CEP290: variants seen among roughly 807,000 people sequenced by gnomAD.
The protein encoded by CEP290 is centrosomal protein of 290 kDa.
CEP290 carries 317 observed loss-of-function variants against 344.9 expected under a neutral mutation model. The observed-to-expected ratio is 0.92, with a 90% confidence interval of 0.84 to 1.01. The LOEUF (loss-of-function observed/expected upper bound fraction) is 1.01, where lower values mean the gene tolerates loss of function less well. Among genes scored for constraint, CEP290 ranks in the 50% least tolerant of loss-of-function variants. CEP290 has a pLI of 0.00. For missense variants in CEP290, 2,754 were observed against 2,761.4 expected (o/e 1.00, Z 0.06); for synonymous variants, 932 against 895.8 (o/e 1.04, Z -0.72).
At chr12:88,095,676 C>T (rs888135875) in intron 27 of CEP290, among the ~76,000 whole-genome samples, 3 of 152,140 alleles carry the variant, frequency 2.0e-5, no homozygotes, top group African/African-American at 7.2e-5. Context: ...CCAAGTATCT[C>T]ATTACCAATT....
At position 88,062,765 on chromosome 12, in the gene CEP290, T is replaced by C; in HGVS notation, c.6284A>G (p.Asp2095Gly). 1 of 1,579,686 alleles carries C rather than the reference T, an allele frequency of 6.3e-7. No homozygotes were observed. The highest frequency in any genetic ancestry group is 8.6e-7 in the Non-Finnish European group (1 of 1,160,092). The part of the protein sequence containing the change: ...DLPRLKNQVR[D>G]LKEMCEFLKK... The stretch of plus-strand genomic sequence containing the variant: ...AAGAAATTCACACATTTCCTTCAAA[T>C]CTCTGACTTGATTCTGAAAGATAAC... The change falls in exon 46 of 54, where the codon GAT (aspartate) becomes GGT (glycine). Residue 2095 changes from aspartate (D) to glycine (G), a missense_variant. Coordinates refer to ENST00000552810, the MANE Select transcript of CEP290 (RefSeq NM_025114.4).
intron 11 of CEP290, among the ~76,000 whole-genome samples, chr12:88,128,206 T>G (rs2039849301): frequency 6.6e-6 from 1 of 152,140 alleles, no homozygotes; most frequent in Non-Finnish European, 1.5e-5. Context: ...ATATAAAGTT[T>G]ATGGAGACAT....
chr12:88,061,811 C>T (rs1407714811), intron 46 of CEP290, among the ~76,000 whole-genome samples: 1 of 151,596 alleles, frequency 6.6e-6, no homozygotes, highest in East Asian at 1.9e-4. Context: ...TGGAGTCTCG[C>T]TCTGTCGCCC....
chr12:88,055,710 C>T lies in CEP290; in HGVS notation c.6826G>A (p.Glu2276Lys), dbSNP rs941877869. The T allele has an allele frequency of 6.6e-7, 1 of 1,516,600 alleles. No homozygotes were observed. Among genetic ancestry groups the T allele is most frequent in the Non-Finnish European group, 8.9e-7 (1 of 1,127,304 alleles). The allele number at this position is 1,516,600 out of a possible 1,614,324, so 93.9% of individuals were successfully genotyped here. A position where few individuals can be genotyped will look rare whatever the true frequency, so the allele number is the denominator to read the frequency against. Residue 2276 changes from glutamate to lysine, a missense_variant, in exon 50 of 54, where the codon GAA (glutamate) becomes AAA (lysine). Transcript: ENST00000552810. ...GTTTCCAATTCTTTTAACTTGGTTT[C>T]ATACATTCTAAAAGTATAAGGAAAA... ...WKSIVVTRMY[E>K]TKLKELETDI...
intron 21 of CEP290, 23 bp from the exon 22 acceptor site, chr12:88,111,374 G>A: frequency 2.6e-6 from 4 of 1,554,422 alleles, no homozygotes; most frequent in Non-Finnish European, 3.5e-6. Context: ...ATCCAGCAAT[G>A]AGAATCACAA....
chr12:88,124,621 C>T (rs967145808), intron 13 of CEP290, among the ~76,000 whole-genome samples: 3 of 151,796 alleles, frequency 2.0e-5, no homozygotes, highest in Admixed American at 6.6e-5. Context: ...AATAGTGATT[C>T]CATGCGCGTG....
Position 88,121,154 on chromosome 12 carries a change from A to G in CEP290, c.1202T>C (p.Leu401Pro). The G allele has an allele frequency of 1.2e-6, 2 of 1,612,596 alleles. No homozygotes were observed. Among genetic ancestry groups the G allele is most frequent in the Non-Finnish European group, 1.7e-6 (2 of 1,179,370 alleles). Residue 401 changes from leucine to proline, a missense_variant, in exon 14 of 54, where the codon CTT becomes CCT. Physicochemically the swap from Leu to Pro is moderately conservative, Grantham distance 98. Transcript: ENST00000552810. ...AATTTTCATATGAGTCTGTTGAGAA[A>G]GGGTTGAAGCACCTACAGAGTAAAA... Reference protein sequence around the residue: ...ELQRNKGASTLSQQTHMKIQS... With the variant: ...ELQRNKGASTPSQQTHMKIQS...
chr12:88,059,697 G>A (rs1317111593), intron 48 of CEP290, among the ~76,000 whole-genome samples: 7 of 152,274 alleles, frequency 4.6e-5, no homozygotes, highest in Admixed American at 1.3e-4. Context: ...GTGAGCCACC[G>A]TGCCCAGCCT....
In CEP290 at chr12:88,086,415, A is replaced by G. The variant is rs1313539626; in HGVS notation, c.4278T>C (p.Asn1426=). 2.5e-6 allele frequency: 4 copies of G among 1,593,948 alleles called. No homozygotes were observed. The highest frequency in any genetic ancestry group is 3.4e-6 in the Non-Finnish European group (4 of 1,168,258). Residue 1426 remains asparagine (N), a synonymous_variant, in exon 33 of 54, where the codon AAT becomes AAC. Coordinates refer to ENST00000552810, the MANE Select transcript of CEP290 (RefSeq NM_025114.4). ...CCTTTTGTGCCGCATTTAGTATTTCATTTTGCTGACGGTCAAAAATGTCTA... is the reference window on the plus strand; with the variant it reads ...CCTTTTGTGCCGCATTTAGTATTTCGTTTTGCTGACGGTCAAAAATGTCTA... ...RQLDIFDRQQ[N]EILNAAQKFE...
chr12:88,141,528 T>C (rs1187563434), intron 1 of CEP290, among the ~76,000 whole-genome samples, 194 bp from the exon 2 acceptor site: 1 of 151,898 alleles, frequency 6.6e-6, no homozygotes, highest in Non-Finnish European at 1.5e-5. Context: ...TGTCAGAGTG[T>C]CCCGGCTAAA....
intron 28 of CEP290, chr12:88,093,524 T>G: frequency 2.6e-6 from 1 of 389,096 alleles, no homozygotes; most frequent in Non-Finnish European, 4.6e-6. Context: ...AATTCCATTG[T>G]TTAGTAAATA....
chr12:88,109,971 T>TTTAAAAATAATAATATC (rs1418227069), intron 22 of CEP290, among the ~76,000 whole-genome samples: 1 of 152,002 alleles, frequency 6.6e-6, no homozygotes, highest in African/African-American at 2.4e-5. Context: ...TAATATCACA[T>TTTAAAAATAATAATATC]ACAAAGCAAT....
chr12:88,117,146 C>T lies in CEP290; in HGVS notation c.1712-1G>A. On this transcript the variant is annotated splice_acceptor_variant, in intron 17 of 53. Coordinates refer to ENST00000552810, the MANE Select transcript of CEP290 (RefSeq NM_025114.4). LOFTEE classifies it high-confidence loss of function. ...AGGTTCAGGTCCTCAGTGGTTAATC[C>T]TATATATAAGAGAATTAACAAACTA... The T allele has an allele frequency of 7.0e-7, 1 of 1,428,074 alleles. No individual in the cohort carries two copies. The highest frequency in any genetic ancestry group is 9.7e-7 in the Non-Finnish European group (1 of 1,035,674). 88.5% of individuals were successfully genotyped at this position (1,428,074 alleles called of 1,614,324 possible). A position where few individuals can be genotyped will look rare whatever the true frequency, so the allele number is the denominator to read the frequency against.
At chr12:88,140,392 C>T (rs1027925422) in intron 3 of CEP290, among the ~76,000 whole-genome samples, 1 of 152,170 alleles carries the variant, frequency 6.6e-6, no homozygotes, top group African/African-American at 2.4e-5. Context: ...GCATAAAATA[C>T]ACCTTTAAGG....
At chr12:88,100,261 C>G (rs2037773183) in intron 26 of CEP290, among the ~76,000 whole-genome samples, 1 of 151,570 alleles carries the variant, frequency 6.6e-6, no homozygotes, top group Non-Finnish European at 1.5e-5. Flanking sequence ...CACAGTGAGA[C>G]TCTGTTTCAA....
intron 41 of CEP290, among the ~76,000 whole-genome samples, chr12:88,072,458 A>C (rs561161236): frequency 6.6e-6 from 1 of 152,284 alleles, no homozygotes; most frequent in East Asian, 1.9e-4. Flanking sequence ...CCGAGCTATT[A>C]GGAAAACTGC....
intron 18 of CEP290, chr12:88,116,122 A>T (rs2039021605): frequency 2.1e-6 from 2 of 951,734 alleles, no homozygotes; most frequent in South Asian, 9.7e-5. Flanking sequence ...TGAAAAGATG[A>T]ATTGCTTTTT....
In CEP290 at chr12:88,141,799, G is replaced by A. The variant is rs2468222; in HGVS notation, c.-28+101C>T. 0.76 allele frequency: 116,046 copies of A among 152,512 alleles called. 49,355 individuals are homozygous for A. The highest frequency in any genetic ancestry group is 0.96 in the East Asian group (4,985 of 5,166). The allele number at this position is 152,512 out of a possible 1,614,324, so 9.4% of individuals were successfully genotyped here. On this transcript the variant is annotated intron_variant, in intron 1 of 53. Coordinates refer to ENST00000552810, the MANE Select transcript of CEP290 (RefSeq NM_025114.4). ...AGCAAGGCAGTATTAGGGACCCGAG[G>A]CTGGAAGGGCGGGGTAGCTATGCTG...
intron 27 of CEP290, among the ~76,000 whole-genome samples, chr12:88,094,483 T>C (rs1318571266): frequency 6.6e-6 from 1 of 152,142 alleles, no homozygotes; most frequent in East Asian, 1.9e-4. Flanking sequence ...ATGAGTATTA[T>C]TTGGTCTTTG....
Sources: allele counts gnomAD v4.1 joint callset (sites outside exome capture counted in the v4.1 genomes callset), GRCh38; gene constraint gnomAD v4.1.1; transcripts MANE v1.5; gene names NCBI Gene and HGNC (gene_info 2026-07-23, HGNC 2026-07-21).